Variants in CRAMP1 observed in about 807,000 individuals in gnomAD.
CRAMP1 encodes protein cramped-like.
CRAMP1 carries 50 observed loss-of-function variants against 115.4 expected under a neutral mutation model. That is an observed-to-expected ratio of 0.43 (90% CI 0.35 to 0.55). The LOEUF is 0.55. CRAMP1 is among the 20% of genes least tolerant of loss of function. The pLI is 0.01. For synonymous variants in CRAMP1, 866 were observed against 745.4 expected, an observed-to-expected ratio of 1.16 and a Z score of -2.64; for missense variants, 1,679 against 1,721.7, an observed-to-expected ratio of 0.98 and a Z score of 0.44.
intron 2 of CRAMP1, among the ~76,000 whole-genome samples, chr16:1,618,193 A>C (rs1241936420): frequency 1.3e-5 from 2 of 152,214 alleles, no homozygotes; most frequent in East Asian, 3.8e-4. Flanking sequence ...CCTGCCTCAG[A>C]ATCGCTTGAA....
At position 1,676,277 on chromosome 16, in the gene CRAMP1, G is replaced by T; in HGVS notation, c.*2232G>T. The T allele has an allele frequency of 6.5e-6, 1 of 152,716 alleles. No individual in the cohort carries two copies. The allele number at this position is 152,716 out of a possible 1,614,324, so 9.5% of individuals were successfully genotyped here. ...CCAACTGCAGCCATTGCCATCCAGT[G>T]GGGAGATGGGTTAGGGAGGAGGACG... is the stretch of plus-strand genomic sequence containing the variant. On this transcript the variant is annotated 3_prime_UTR_variant, in exon 21 of 21. Transcript: ENST00000397412.
At chr16:1,626,774 C>T (rs901571762) in intron 3 of CRAMP1, among the ~76,000 whole-genome samples, 13 of 152,172 alleles carry the variant, frequency 8.5e-5, no homozygotes, top group African/African-American at 2.7e-4. Context: ...GCATTTTTCA[C>T]GGTGTTTCAT....
At chr16:1,651,159 G>T (rs2036719155) in intron 6 of CRAMP1, among the ~76,000 whole-genome samples, 1 of 151,986 alleles carries the variant, frequency 6.6e-6, no homozygotes, top group Non-Finnish European at 1.5e-5. Context: ...GTCACGAAAA[G>T]GTGGACTGAG....
At chr16:1,628,500 T>C (rs1263090105) in intron 3 of CRAMP1, among the ~76,000 whole-genome samples, 3 of 152,238 alleles carry the variant, frequency 2.0e-5, no homozygotes, top group African/African-American at 7.2e-5. Flanking sequence ...GTGATCCACC[T>C]GCCCCAGCCT....
chr16:1,642,344 C>T (rs1017516819), intron 6 of CRAMP1, among the ~76,000 whole-genome samples: 2 of 152,242 alleles, frequency 1.3e-5, no homozygotes, highest in African/African-American at 4.8e-5. Context: ...CCAGTCCCAG[C>T]ACAGCAGGTG....
At chr16:1,639,166 T>C (rs1223688287) in intron 5 of CRAMP1, among the ~76,000 whole-genome samples, 1 of 152,032 alleles carries the variant, frequency 6.6e-6, no homozygotes, top group Non-Finnish European at 1.5e-5. Flanking sequence ...CCTGGTCCTT[T>C]TGCACCACTG....
At chr16:1,618,320 T>G (rs1312433449) in intron 2 of CRAMP1, among the ~76,000 whole-genome samples, 1 of 152,176 alleles carries the variant, frequency 6.6e-6, no homozygotes, top group Non-Finnish European at 1.5e-5. Context: ...ACACCTGCCT[T>G]AAGTCACAAG....
chr16:1,659,828 G>A (rs1047701237), intron 10 of CRAMP1, 58 bp from the exon 11 acceptor site: 31 of 1,511,458 alleles, frequency 2.1e-5, no homozygotes, highest in African/African-American at 1.9e-4. Flanking sequence ...TCCAGGGCAC[G>A]CAAGAGCCAT....
intron 2 of CRAMP1, among the ~76,000 whole-genome samples, chr16:1,620,075 C>T (rs1275156573): frequency 1.3e-5 from 2 of 152,190 alleles, no homozygotes; most frequent in Non-Finnish European, 2.9e-5. Flanking sequence ...TTGCCTGCGG[C>T]TTGGCTTGCT....
intron 19 of CRAMP1, 133 bp from the exon 20 acceptor site, chr16:1,670,531 C>T (rs1467029742): frequency 9.8e-6 from 9 of 919,914 alleles, no homozygotes; most frequent in African/African-American, 6.6e-5. Flanking sequence ...GGAAGCTCTT[C>T]GCACAAGTCT....
chr16:1,654,949 C>A (rs1033284986), intron 8 of CRAMP1, among the ~76,000 whole-genome samples: 38 of 152,280 alleles, frequency 2.5e-4, no homozygotes, highest in African/African-American at 9.2e-4. Flanking sequence ...CCCACGCCCA[C>A]GCCCTGGCGG....
At chr16:1,627,849 G>A (rs776307306) in intron 3 of CRAMP1, among the ~76,000 whole-genome samples, 33 of 152,104 alleles carry the variant, frequency 2.2e-4, no homozygotes, top group Admixed American at 4.6e-4. Flanking sequence ...GAGGACCTGC[G>A]ATTCCTGGAA....
chr16:1,662,323 G>A, intron 11 of CRAMP1, 167 bp from the exon 12 acceptor site: 1 of 610,482 alleles, frequency 1.6e-6, no homozygotes, highest in Non-Finnish European at 2.9e-6. Context: ...GAGAAGGATA[G>A]AAAATCAGTC....
At chr16:1,670,580 T>C in intron 19 of CRAMP1, 84 bp from the exon 20 acceptor site, 1 of 1,479,728 alleles carries the variant, frequency 6.8e-7, no homozygotes, top group Admixed American at 1.9e-5. Flanking sequence ...TTGGGCTGGC[T>C]GCCCCCAGCC....
intron 6 of CRAMP1, among the ~76,000 whole-genome samples, chr16:1,646,860 C>CTT (rs2036679566): frequency 6.6e-6 from 1 of 152,202 alleles, no homozygotes; most frequent in Admixed American, 6.5e-5. Flanking sequence ...AGGAGCTTTG[C>CTT]TTTTTGTCTG....
intron 10 of CRAMP1, among the ~76,000 whole-genome samples, chr16:1,657,409 GAC>G (rs931977987): frequency 2.0e-5 from 3 of 152,218 alleles, no homozygotes; most frequent in African/African-American, 7.2e-5. Flanking sequence ...CAGCTGAAGG[GAC>G]AGTGTGCACA....
At chr16:1,643,369 C>T (rs1245439764) in intron 6 of CRAMP1, among the ~76,000 whole-genome samples, 5 of 152,118 alleles carry the variant, frequency 3.3e-5, no homozygotes, top group Admixed American at 1.3e-4. Flanking sequence ...GATGAAACCC[C>T]GTCTCTGCTA....
intron 2 of CRAMP1, among the ~76,000 whole-genome samples, chr16:1,623,859 A>G (rs1016702955): frequency 6.6e-6 from 1 of 152,248 alleles, no homozygotes; most frequent in East Asian, 1.9e-4. Context: ...GCAGGGCCAG[A>G]TAACATGTCA....
chr16:1,652,614 C>T (rs2036734242), intron 7 of CRAMP1, 33 bp downstream of exon 7: 8 of 1,532,510 alleles, frequency 5.2e-6, no homozygotes, highest in Non-Finnish European at 7.1e-6. Flanking sequence ...GGACCAGAGG[C>T]GGTGCCCATG....
Sources: allele counts gnomAD v4.1 joint callset (sites outside exome capture counted in the v4.1 genomes callset), GRCh38; gene constraint gnomAD v4.1.1; transcripts MANE v1.5; gene names NCBI Gene and HGNC (gene_info 2026-07-23, HGNC 2026-07-21).